NELL1: variants seen among roughly 807,000 people sequenced by gnomAD.
NELL1 encodes protein kinase C-binding protein NELL1.
In NELL1, 76 loss-of-function variants were observed where a neutral mutation model predicts 107.4. The ratio of observed to expected loss-of-function variants is 0.71; its 90% CI spans 0.59 to 0.86. The LOEUF (loss-of-function observed/expected upper bound fraction) is 0.86. NELL1 is among the 40% of genes least tolerant of loss of function. NELL1 has a pLI of 0.00. For missense variants in NELL1, 1,024 were observed against 1,005.5 expected, an observed-to-expected ratio of 1.02 and a Z score of -0.25; for synonymous variants, 353 against 341.2, an observed-to-expected ratio of 1.03 and a Z score of -0.38.
At chr11:21,053,366 C>A (rs531902386) in intron 12 of NELL1, among the ~76,000 whole-genome samples, 6 of 151,992 alleles carry the variant, frequency 3.9e-5, no homozygotes, top group Admixed American at 3.9e-4. Flanking sequence ...TGAGAACATG[C>A]GGTGTTTGGT....
chr11:20,971,243 T>C (rs1296532746), intron 12 of NELL1, among the ~76,000 whole-genome samples: 1 of 152,160 alleles, frequency 6.6e-6, no homozygotes, highest in Non-Finnish European at 1.5e-5. Flanking sequence ...TTTTTTTGGC[T>C]CACTTAATAA....
chr11:21,544,202 A>T (rs1856370908), intron 16 of NELL1, among the ~76,000 whole-genome samples: 1 of 151,998 alleles, frequency 6.6e-6, no homozygotes, highest in Non-Finnish European at 1.5e-5. Context: ...AAACTTACAA[A>T]AACCTTCACA....
chr11:20,912,350 G>C (rs1464199643), intron 5 of NELL1, among the ~76,000 whole-genome samples: 3 of 152,124 alleles, frequency 2.0e-5, no homozygotes, highest in Admixed American at 6.6e-5. Context: ...TTTGAGAAAA[G>C]CTGGCCAGTA....
chr11:20,978,947 G>A (rs1187778096), intron 12 of NELL1, among the ~76,000 whole-genome samples: 1 of 152,144 alleles, frequency 6.6e-6, no homozygotes, highest in East Asian at 1.9e-4. Flanking sequence ...GGGACATGCT[G>A]TTTGCAGTGG....
chr11:21,126,606 G>A lies in NELL1; in HGVS notation c.1426+12892G>A, dbSNP rs1004137338. Among the ~76,000 whole-genome samples the A allele has an allele frequency of 6.6e-5, 10 of 152,152 alleles. 1 individual carries two copies. The highest frequency in any genetic ancestry group is 2.4e-4 in the African/African-American group (10 of 41,460). On this transcript the variant is annotated intron_variant, in intron 13 of 19. Transcript: ENST00000357134. Reference sequence around the variant, plus strand: ...TGAAAGAAAGCCCAACCCAATGACTGAGTCCTAGGTGGTACTCAATATTGA... The same window carrying A: ...TGAAAGAAAGCCCAACCCAATGACTAAGTCCTAGGTGGTACTCAATATTGA...
chr11:20,779,276 G>A (rs886723870), intron 2 of NELL1, among the ~76,000 whole-genome samples: 6 of 152,142 alleles, frequency 3.9e-5, no homozygotes, highest in African/African-American at 7.2e-5. Flanking sequence ...GGCATGATAC[G>A]CACATTATGA....
chr11:21,275,885 T>C (rs1158349872), intron 14 of NELL1, among the ~76,000 whole-genome samples: 1 of 152,232 alleles, frequency 6.6e-6, no homozygotes, highest in Non-Finnish European at 1.5e-5. Context: ...AAATTATGTA[T>C]TGATTGGACA....
intron 4 of NELL1, among the ~76,000 whole-genome samples, chr11:20,876,292 C>G (rs1376294620): frequency 3.9e-5 from 6 of 152,196 alleles, no homozygotes; most frequent in Non-Finnish European, 8.8e-5. Context: ...GCCTGAGGTG[C>G]ATTTTTCAAT....
intron 14 of NELL1, 141 bp downstream of exon 14, chr11:21,229,595 T>C: frequency 8.5e-7 from 1 of 1,172,636 alleles, no homozygotes; most frequent in Non-Finnish European, 1.2e-6. Flanking sequence ...GCAAGGGTAC[T>C]GTGCGTCAGG....
At chr11:21,003,350 T>C (rs7949652) in intron 12 of NELL1, among the ~76,000 whole-genome samples, 24,319 of 152,196 alleles carry the variant, frequency 0.16, 2,092 homozygotes, top group Middle Eastern at 0.23. Context: ...AATCAAGATA[T>C]ACAATGCAAA....
intron 12 of NELL1, among the ~76,000 whole-genome samples, chr11:21,107,222 T>C (rs1013614736): frequency 1.3e-5 from 2 of 152,136 alleles, no homozygotes; most frequent in South Asian, 4.1e-4. Context: ...TGGACAAATA[T>C]ATAATAACCT....
intron 14 of NELL1, among the ~76,000 whole-genome samples, chr11:21,299,351 C>A (rs1565155273): frequency 6.6e-6 from 1 of 151,920 alleles, no homozygotes; most frequent in Non-Finnish European, 1.5e-5. Context: ...CTGCTCCTTC[C>A]AGGATCACAG....
chr11:20,926,545 C>T (rs1455160969), intron 7 of NELL1, among the ~76,000 whole-genome samples: 1 of 152,130 alleles, frequency 6.6e-6, no homozygotes, highest in Non-Finnish European at 1.5e-5. Context: ...ATACATGTTC[C>T]TCCACTGGAG....
At chr11:21,020,819 A>AAGAGACACCACTGTAGGAAGCAGG (rs1590548582) in intron 12 of NELL1, among the ~76,000 whole-genome samples, 2 of 152,088 alleles carry the variant, frequency 1.3e-5, no homozygotes, top group East Asian at 3.9e-4. Context: ...TCCTGCTCAG[A>AAGAGACACCACTGTAGGAAGCAGG]AGAGACACCA....
At chr11:20,881,488 T>C (rs1849406251) in intron 4 of NELL1, among the ~76,000 whole-genome samples, 1 of 152,146 alleles carries the variant, frequency 6.6e-6, no homozygotes, top group South Asian at 2.1e-4. Context: ...GGACGAGTTA[T>C]TTGACCTTGC....
rs1366466251 is a variant in NELL1 at position 21,329,892 on chromosome 11, T to C, written c.1550-40961T>C. On this transcript the variant is annotated intron_variant, in intron 14 of 19. Transcript: ENST00000357134. ...CTTCTTCTTTGTGCCACTGTTGTTA[T>C]ACTGTACATGTTACATCTATATGTT... Among the ~76,000 whole-genome samples, 4 of 152,298 alleles carry C rather than the reference T, an allele frequency of 2.6e-5. No individual in the cohort carries two copies. The East Asian group carries it at 7.7e-4, about 29-fold the overall frequency.
intron 12 of NELL1, among the ~76,000 whole-genome samples, chr11:21,097,120 A>G (rs1854662153): frequency 1.3e-5 from 2 of 151,486 alleles, no homozygotes; most frequent in Admixed American, 6.6e-5. Context: ...GTTTTTGCAC[A>G]CTCTCACTCC....
chr11:21,362,618 T>A (rs1305059430), intron 14 of NELL1, among the ~76,000 whole-genome samples: 1 of 152,198 alleles, frequency 6.6e-6, no homozygotes, highest in Admixed American at 6.5e-5. Flanking sequence ...TTGGTTGGCC[T>A]CCAGCCAAGA....
intron 2 of NELL1, among the ~76,000 whole-genome samples, chr11:20,692,885 G>A (rs914947686): frequency 2.0e-5 from 3 of 152,132 alleles, no homozygotes; most frequent in Non-Finnish European, 4.4e-5. Context: ...TGACAGTGGG[G>A]TGTTAAAGTC....
Sources: gnomAD v4.1 joint callset for allele counts (sites outside exome capture counted in the v4.1 genomes callset) on GRCh38, gnomAD v4.1.1 for gene constraint, MANE v1.5 for transcripts, NCBI Gene and HGNC (gene_info 2026-07-23, HGNC 2026-07-21) for gene names.